TSC22D3: variants seen among roughly 807,000 people sequenced by gnomAD.
TSC22D3 encodes the protein TSC22 domain family protein 3.
In TSC22D3, 4 loss-of-function variants were observed where a neutral mutation model predicts 11.1. The observed-to-expected ratio is 0.36, with a 90% confidence interval of 0.18 to 0.83. The LOEUF (loss-of-function observed/expected upper bound fraction) is 0.83, where lower values mean the gene tolerates loss of function less well. Ranked by LOEUF, TSC22D3 falls within the 40% of genes least tolerant of loss-of-function variation. TSC22D3 has a pLI of 0.48. For synonymous variants in TSC22D3, 77 were observed against 70.3 expected (o/e 1.10, Z -0.48); for missense variants, 118 against 159.4 (o/e 0.74, Z 1.40).
intron 1 of TSC22D3, among the ~76,000 whole-genome samples, chrX:107,745,051 G>A (rs1215781538): frequency 8.9e-6 from 1 of 112,254 alleles, no homozygotes; most frequent in Non-Finnish European, 1.9e-5. Flanking sequence ...ATCTGCAGCT[G>A]GATGTATCCG....
chrX:107,737,384 G>T (rs1259761468), intron 1 of TSC22D3, among the ~76,000 whole-genome samples: 1 of 111,724 alleles, frequency 9.0e-6, no homozygotes, highest in Non-Finnish European at 1.9e-5. Flanking sequence ...TCACACAGGG[G>T]TTTCGCTAAG....
At chrX:107,718,874 G>C (rs1464751821) in intron 1 of TSC22D3, among the ~76,000 whole-genome samples, 1 of 110,861 alleles carries the variant, frequency 9.0e-6, no homozygotes, top group Non-Finnish European at 1.9e-5. Context: ...ATGTGTAGTA[G>C]ACAGAACAAA....
At chrX:107,754,109 G>A (rs1212384118) in intron 1 of TSC22D3, among the ~76,000 whole-genome samples, 1 of 110,114 alleles carries the variant, frequency 9.1e-6, no homozygotes, top group East Asian at 2.8e-4. Context: ...TAGTAGAGAC[G>A]GGGATTTCAC....
intron 1 of TSC22D3, among the ~76,000 whole-genome samples, chrX:107,719,242 G>T (rs1602947305): frequency 1.8e-5 from 2 of 112,176 alleles, no homozygotes; most frequent in South Asian, 7.3e-4. Flanking sequence ...CAGAGGCAGA[G>T]AAATCCAGGT....
intron 2 of TSC22D3, among the ~76,000 whole-genome samples, 189 bp from the exon 3 acceptor site, chrX:107,714,938 G>A (rs765038662): frequency 8.9e-6 from 1 of 111,954 alleles, no homozygotes; most frequent in South Asian, 3.7e-4. Context: ...CCCTCATTCA[G>A]GAGAGCTACA....
intron 1 of TSC22D3, among the ~76,000 whole-genome samples, chrX:107,724,515 G>C (rs150774715): frequency 8.8e-6 from 1 of 113,367 alleles, no homozygotes; most frequent in Non-Finnish European, 1.9e-5. Context: ...AGGCAGAGTG[G>C]GGCATCCGCC....
intron 1 of TSC22D3, among the ~76,000 whole-genome samples, chrX:107,723,781 A>G (rs1187511064): frequency 8.9e-6 from 1 of 112,583 alleles, no homozygotes; most frequent in Non-Finnish European, 1.9e-5. Flanking sequence ...TTTGAGTAGC[A>G]TGTGAAGGAC....
At chrX:107,761,667 G>T (rs775291852) in intron 1 of TSC22D3, among the ~76,000 whole-genome samples, 62 of 111,740 alleles carry the variant, frequency 5.5e-4, no homozygotes, top group Non-Finnish European at 8.7e-4. Flanking sequence ...TCCTGATCCT[G>T]ATTTTCAGCT....
chrX:107,720,196 TA>T (rs61196603), intron 1 of TSC22D3, among the ~76,000 whole-genome samples: 5,010 of 94,426 alleles, frequency 0.053, 277 homozygotes, highest in African/African-American at 0.16. Flanking sequence ...AAGATTTAGT[TA>T]AAAAAAAAAA....
At chrX:107,741,045 C>T (rs932471120) in intron 1 of TSC22D3, among the ~76,000 whole-genome samples, 31 of 110,523 alleles carry the variant, frequency 2.8e-4, no homozygotes, top group African/African-American at 1.0e-3. Context: ...TAAGCCATCT[C>T]CAGGGGTCTA....
intron 1 of TSC22D3, among the ~76,000 whole-genome samples, chrX:107,772,853 GA>G (rs1453107438): frequency 9.0e-6 from 1 of 110,669 alleles, no homozygotes; most frequent in Non-Finnish European, 1.9e-5. Flanking sequence ...CCTGTCTCAG[GA>G]AAAAAATAAA....
intron 1 of TSC22D3, among the ~76,000 whole-genome samples, chrX:107,729,014 A>T (rs181152401): frequency 8.9e-6 from 1 of 112,001 alleles, no homozygotes; most frequent in East Asian, 2.8e-4. Flanking sequence ...AAGAAACCAA[A>T]CTGCCTCTGA....
intron 1 of TSC22D3, among the ~76,000 whole-genome samples, chrX:107,741,230 G>T (rs1928389234): frequency 8.9e-6 from 1 of 112,453 alleles, no homozygotes; most frequent in African/African-American, 3.2e-5. Context: ...CTGCCTTTTG[G>T]GGCTATGCTG....
At chrX:107,734,878 TAA>T (rs781386272) in intron 1 of TSC22D3, among the ~76,000 whole-genome samples, 465 of 37,248 alleles carry the variant, frequency 0.012, 1 homozygote, top group African/African-American at 0.014. Context: ...CAACTCTACG[TAA>T]AAAAAAAAAA....
chrX:107,747,144 G>A (rs952788003), intron 1 of TSC22D3, among the ~76,000 whole-genome samples: 1 of 112,966 alleles, frequency 8.9e-6, no homozygotes, highest in African/African-American at 3.2e-5. Flanking sequence ...CAATATGAAA[G>A]TATCTGTCCA....
intron 1 of TSC22D3, among the ~76,000 whole-genome samples, chrX:107,763,671 A>C (rs183661185): frequency 3.2e-4 from 36 of 111,971 alleles, no homozygotes; most frequent in Admixed American, 1.6e-3. Context: ...AAGCCCGCAA[A>C]GGGAAAAGAA....
chrX:107,720,140 C>A (rs761825033), intron 1 of TSC22D3, among the ~76,000 whole-genome samples: 6 of 109,184 alleles, frequency 5.5e-5, no homozygotes, highest in African/African-American at 2.0e-4. Flanking sequence ...TCCCCCTATT[C>A]CAGCTTTTAG....
chrX:107,774,032 A>G (rs1038903450), intron 1 of TSC22D3, among the ~76,000 whole-genome samples: 1 of 111,865 alleles, frequency 8.9e-6, no homozygotes, highest in African/African-American at 3.3e-5. Flanking sequence ...TCAGGCTCAT[A>G]CAAACAGGTG....
At chrX:107,752,335 C>T (rs1173296223) in intron 1 of TSC22D3, among the ~76,000 whole-genome samples, 1 of 112,121 alleles carries the variant, frequency 8.9e-6, no homozygotes, top group African/African-American at 3.2e-5. Flanking sequence ...TTCATACTAA[C>T]CTCTTCCCTC....
Sources: allele counts gnomAD v4.1 joint callset (sites outside exome capture counted in the v4.1 genomes callset), GRCh38; gene constraint gnomAD v4.1.1; transcripts MANE v1.5; gene names NCBI Gene and HGNC (gene_info 2026-07-23, HGNC 2026-07-21).